Variants in ESRRG observed in about 807,000 individuals in gnomAD.
The protein encoded by ESRRG is estrogen related receptor gamma.
In ESRRG, 13 loss-of-function variants were observed where a neutral mutation model predicts 44.0. That is an observed-to-expected ratio of 0.30 (90% confidence interval 0.19 to 0.47). ESRRG has a LOEUF of 0.47. Ranked by LOEUF, ESRRG falls within the 20% of genes least tolerant of loss-of-function variation. ESRRG has a pLI of 1.00. For missense variants in ESRRG, 395 were observed against 580.6 expected, an observed-to-expected ratio of 0.68 and a Z score of 3.29; for synonymous variants, 215 against 214.6, an observed-to-expected ratio of 1.00 and a Z score of -0.02.
intron 2 of ESRRG, among the ~76,000 whole-genome samples, chr1:216,762,346 G>A (rs113418562): frequency 0.019 from 2,932 of 151,826 alleles, 53 homozygotes; most frequent in Non-Finnish European, 0.03. Flanking sequence ...AAAATGTGGC[G>A]CATATACACT....
At chr1:216,644,492 G>A (rs1028957902) in intron 3 of ESRRG, among the ~76,000 whole-genome samples, 29 of 143,604 alleles carry the variant, frequency 2.0e-4, no homozygotes, top group African/African-American at 7.0e-4. Context: ...GCAGTGGCAC[G>A]ATCTCCACTC....
In ESRRG at chr1:216,504,410, G is replaced by A. The variant is rs1457772001; in HGVS notation, c.*2529C>T. ...TCACAGCTATAAATTTCAAGTTATT[G>A]ACCATCTGAATGAATTGCTAATGAT... On this transcript the variant is annotated 3_prime_UTR_variant, in exon 7 of 7. Transcript: ENST00000408911. 6.6e-6 allele frequency: 1 copy of A among 152,414 alleles called. No homozygotes were observed. Among genetic ancestry groups the A allele is most frequent in the Non-Finnish European group, 1.5e-5 (1 of 67,946 alleles). 9.4% of individuals were successfully genotyped at this position (152,414 alleles called of 1,614,324 possible). A position where few individuals can be genotyped will look rare whatever the true frequency, so the allele number is the denominator to read the frequency against.
At position 216,628,130 on chromosome 1, in the gene ESRRG, G is replaced by T. The variant is rs181435474; in HGVS notation, c.589+22843C>A. Among the ~76,000 whole-genome samples, 39 of 152,314 alleles carry T rather than the reference G, an allele frequency of 2.6e-4. No homozygotes were observed. In the East Asian group the frequency reaches 7.5e-3, roughly 29 times the overall value. On this transcript the variant is annotated intron_variant, in intron 3 of 6. Coordinates refer to ENST00000408911, the MANE Select transcript of ESRRG (RefSeq NM_001438.4). The stretch of plus-strand genomic sequence containing the variant: ...AATAATGGATTTTTAGGTCTAGAAA[G>T]TATCTTAGAGTCTAGAGCCACAAAT...
chr1:217,108,368 T>C (rs978772826), intron 1 of ESRRG, among the ~76,000 whole-genome samples: 1 of 152,240 alleles, frequency 6.6e-6, no homozygotes, highest in African/African-American at 2.4e-5. Context: ...AATTCTGCTT[T>C]GCTGCATACT....
rs564558894 is a variant in ESRRG, at chr1:216,963,583, T to C, written c.-105-23910A>G. Among the ~76,000 whole-genome samples the C allele has an allele frequency of 5.9e-5, 9 of 152,294 alleles. No homozygotes were observed. In the South Asian group the frequency reaches 1.9e-3, roughly 32 times the overall value. On this transcript the variant is annotated intron_variant, in intron 1 of 7. Transcript: ENST00000359162. ...ATGAAGACTTGTCTATCCTCCTCTATTATCCTAAAATGAAGCTTTTAAAAA... is the reference window on the plus strand; with the variant it reads ...ATGAAGACTTGTCTATCCTCCTCTACTATCCTAAAATGAAGCTTTTAAAAA...
chr1:217,072,409 G>A (rs981269070), intron 1 of ESRRG, among the ~76,000 whole-genome samples: 1 of 152,182 alleles, frequency 6.6e-6, no homozygotes, highest in Admixed American at 6.5e-5. Context: ...CCACTGACCT[G>A]AAGAGGGAAA....
At chr1:216,528,963 A>G (rs2048477059) in intron 5 of ESRRG, among the ~76,000 whole-genome samples, 1 of 152,136 alleles carries the variant, frequency 6.6e-6, no homozygotes, top group African/African-American at 2.4e-5. Flanking sequence ...AAAGCAGCAG[A>G]TTAGACAGTT....
At chr1:216,908,672 G>T (rs1367493661) in intron 2 of ESRRG, among the ~76,000 whole-genome samples, 1 of 151,726 alleles carries the variant, frequency 6.6e-6, no homozygotes, top group East Asian at 1.9e-4. Context: ...ATAATGAATT[G>T]GACAAAAAGA....
At chr1:216,692,126 A>T (rs1455430342) in intron 1 of ESRRG, among the ~76,000 whole-genome samples, 1 of 152,162 alleles carries the variant, frequency 6.6e-6, no homozygotes, top group Non-Finnish European at 1.5e-5. Context: ...ATTTTTTTTA[A>T]AAATTTACTT....
chr1:217,011,982 T>C (rs1288741363), intron 1 of ESRRG, among the ~76,000 whole-genome samples: 1 of 152,194 alleles, frequency 6.6e-6, no homozygotes, highest in Admixed American at 6.5e-5. Flanking sequence ...CCCACCATCA[T>C]TGCAATGAGG....
intron 1 of ESRRG, among the ~76,000 whole-genome samples, chr1:216,973,270 C>T (rs1345089509): frequency 6.6e-6 from 1 of 152,112 alleles, no homozygotes; most frequent in East Asian, 1.9e-4. Flanking sequence ...GCCTACACAC[C>T]CTGCAGTACT....
intron 1 of ESRRG, among the ~76,000 whole-genome samples, chr1:216,698,580 A>C (rs993008956): frequency 1.3e-5 from 2 of 151,898 alleles, no homozygotes; most frequent in Non-Finnish European, 2.9e-5. Flanking sequence ...GTCCCCATGC[A>C]AACTCTGCTC....
At chr1:216,578,159 C>G (rs1297556804) in intron 3 of ESRRG, among the ~76,000 whole-genome samples, 2 of 151,908 alleles carry the variant, frequency 1.3e-5, no homozygotes, top group African/African-American at 2.4e-5. Flanking sequence ...GAGAATTATA[C>G]CTCTTTAGGA....
chr1:216,968,962 G>A (rs189993990), intron 1 of ESRRG, among the ~76,000 whole-genome samples: 26 of 151,980 alleles, frequency 1.7e-4, no homozygotes, highest in African/African-American at 5.3e-4. Flanking sequence ...TTTACTTTTT[G>A]GGGTGCTAAT....
At chr1:216,856,165 A>T (rs1264821679) in intron 2 of ESRRG, among the ~76,000 whole-genome samples, 1 of 152,120 alleles carries the variant, frequency 6.6e-6, no homozygotes, top group Non-Finnish European at 1.5e-5. Flanking sequence ...TTGTGAAAAA[A>T]AAAAACTTCC....
At chr1:216,991,104 C>T (rs2075623142) in intron 1 of ESRRG, among the ~76,000 whole-genome samples, 1 of 152,022 alleles carries the variant, frequency 6.6e-6, no homozygotes, top group African/African-American at 2.4e-5. Context: ...ATGAATTGTT[C>T]ATGCAAGGGA....
intron 1 of ESRRG, among the ~76,000 whole-genome samples, chr1:217,026,498 T>G (rs1268207153): frequency 2.0e-5 from 3 of 152,148 alleles, no homozygotes; most frequent in Admixed American, 2.0e-4. Context: ...TCGAGGCAGG[T>G]GAGGGCTCCA....
chr1:217,005,587 G>A (rs933274450), intron 1 of ESRRG, among the ~76,000 whole-genome samples: 1 of 152,074 alleles, frequency 6.6e-6, no homozygotes, highest in Non-Finnish European at 1.5e-5. Flanking sequence ...AAGTGTCAGA[G>A]TCAACCAAAG....
intron 1 of ESRRG, among the ~76,000 whole-genome samples, chr1:217,059,380 C>T (rs1048857212): frequency 1.3e-5 from 2 of 151,878 alleles, no homozygotes; most frequent in Non-Finnish European, 2.9e-5. Flanking sequence ...AAACAATGAC[C>T]AACCCAGTAC....
Sources: gnomAD v4.1 joint callset for allele counts (sites outside exome capture counted in the v4.1 genomes callset) on GRCh38, gnomAD v4.1.1 for gene constraint, MANE v1.5 for transcripts, NCBI Gene and HGNC (gene_info 2026-07-23, HGNC 2026-07-21) for gene names.